METTL15: variants seen among roughly 807,000 people sequenced by gnomAD.
The protein encoded by METTL15 is 12S rRNA N(4)-cytidine methyltransferase METTL15.
METTL15 carries 34 observed loss-of-function variants against 38.3 expected under a neutral mutation model. That is an observed-to-expected ratio of 0.89 (90% CI 0.68 to 1.18). The LOEUF (loss-of-function observed/expected upper bound fraction) is 1.18, where lower values mean the gene tolerates loss of function less well. Ranked by LOEUF, METTL15 falls within the 50% of genes most tolerant of loss-of-function variation. METTL15 has a pLI of 0.00. For synonymous variants in METTL15, 162 were observed against 170.9 expected, an observed-to-expected ratio of 0.95 and a Z score of 0.41; for missense variants, 438 against 498.4, an observed-to-expected ratio of 0.88 and a Z score of 1.15.
rs574891521 is a variant in METTL15 at position 28,205,695 on chromosome 11, A to G, written c.271-5367A>G. ...AGGAATCGCCACACTGACTTCCACA[A>G]TGGTTGAACTAGTTTACAGTCCCAC... On this transcript the variant is annotated intron_variant, in intron 3 of 6. Coordinates refer to ENST00000407364, the MANE Select transcript of METTL15 (RefSeq NM_001113528.2). Among the ~76,000 whole-genome samples the G allele has an allele frequency of 3.6e-4, 54 of 151,428 alleles. No homozygotes were observed. In the East Asian group the frequency reaches 9.0e-3, roughly 25 times the overall value.
chr11:28,458,819 T>C (rs1024963687), intron 6 of METTL15, among the ~76,000 whole-genome samples: 2 of 152,266 alleles, frequency 1.3e-5, no homozygotes. Flanking sequence ...CCACTGTAGT[T>C]GCAGGACATT....
At chr11:28,313,210 A>G (rs1271314153) in intron 6 of METTL15, among the ~76,000 whole-genome samples, 1 of 152,106 alleles carries the variant, frequency 6.6e-6, no homozygotes, top group Non-Finnish European at 1.5e-5. Context: ...GATTATTGTA[A>G]TGATTAGAAA....
intron 3 of METTL15, among the ~76,000 whole-genome samples, chr11:28,154,950 A>G (rs893027553): frequency 6.6e-6 from 1 of 152,168 alleles, no homozygotes; most frequent in Non-Finnish European, 1.5e-5. Context: ...GGCAAGTTTT[A>G]TCCAGTTCTT....
At chr11:28,239,067 A>G (rs551936448) in intron 4 of METTL15, among the ~76,000 whole-genome samples, 2 of 151,424 alleles carry the variant, frequency 1.3e-5, no homozygotes, top group South Asian at 2.1e-4. Context: ...CCTCTTTTCT[A>G]TTTACACTCA....
chr11:28,417,652 T>C (rs556530393), intron 5 of METTL15, among the ~76,000 whole-genome samples: 47 of 152,286 alleles, frequency 3.1e-4, no homozygotes, highest in African/African-American at 1.1e-3. Flanking sequence ...GTAATTTTTC[T>C]TGGAGGGGGT....
chr11:28,231,907 C>G (rs1853700683), intron 4 of METTL15, among the ~76,000 whole-genome samples: 1 of 151,770 alleles, frequency 6.6e-6, no homozygotes. Context: ...TCTTAACAGA[C>G]TTTATACTTT....
At chr11:28,351,395 C>T (rs1339534238) in intron 3 of METTL15, among the ~76,000 whole-genome samples, 11 of 152,142 alleles carry the variant, frequency 7.2e-5, no homozygotes, top group Admixed American at 2.6e-4. Context: ...GGATTATAGG[C>T]GTGAGCCACT....
At chr11:28,337,804 A>G (rs1156782195), downstream of METTL15, among the ~76,000 whole-genome samples, 3 of 152,138 alleles carry the variant, frequency 2.0e-5, no homozygotes, top group African/African-American at 7.2e-5. Flanking sequence ...TGTAGGCTAT[A>G]TACCATTTAG....
intron 6 of METTL15, among the ~76,000 whole-genome samples, chr11:28,502,141 A>G (rs1023263107): frequency 6.6e-6 from 1 of 151,790 alleles, no homozygotes; most frequent in African/African-American, 2.4e-5. Context: ...CCACAAGGGC[A>G]CAGAAACCAT....
At position 28,301,296 on chromosome 11, in the gene METTL15, T is replaced by C. The variant is rs541399834; in HGVS notation, c.778+4365T>C. On this transcript the variant is annotated intron_variant, in intron 6 of 6. Coordinates refer to ENST00000407364, the MANE Select transcript of METTL15 (RefSeq NM_001113528.2). ...TCTCCCTGCCCTACCCCTACCCTTT[T>C]CTCTGGCTAATTTCAGCTCATCCTT... 4.9e-3 allele frequency among the ~76,000 whole-genome samples: 745 copies of C among 152,124 alleles called. 11 individuals carry two copies. The highest frequency in any genetic ancestry group is 0.017 in the African/African-American group (721 of 41,504).
chr11:28,208,776 G>C (rs1414261743), intron 3 of METTL15, among the ~76,000 whole-genome samples: 1 of 151,726 alleles, frequency 6.6e-6, no homozygotes, highest in African/African-American at 2.4e-5. Flanking sequence ...TTTAAACTGT[G>C]GTCTTATGTT....
At chr11:28,321,555 CTA>C (rs1565253364) in intron 6 of METTL15, among the ~76,000 whole-genome samples, 1 of 152,022 alleles carries the variant, frequency 6.6e-6, no homozygotes, top group African/African-American at 2.4e-5. Context: ...AATGGAAATA[CTA>C]TGTTTCCTGG....
At chr11:28,456,317 C>G (rs552613989) in intron 6 of METTL15, among the ~76,000 whole-genome samples, 1 of 152,092 alleles carries the variant, frequency 6.6e-6, no homozygotes, top group Non-Finnish European at 1.5e-5. Context: ...TGCTACTGCA[C>G]GGTTTCTCCT....
intron 4 of METTL15, among the ~76,000 whole-genome samples, chr11:28,260,890 A>G (rs771429079): frequency 1.3e-5 from 2 of 152,172 alleles, no homozygotes; most frequent in South Asian, 4.1e-4. Flanking sequence ...TAGGGTAGGA[A>G]TGGCAAGTAG....
At chr11:28,396,250 C>G (rs189488664) in intron 5 of METTL15, among the ~76,000 whole-genome samples, 10 of 152,192 alleles carry the variant, frequency 6.6e-5, no homozygotes, top group African/African-American at 2.2e-4. Flanking sequence ...CCAGGGCAAT[C>G]AGGCAGGAGA....
intron 6 of METTL15, among the ~76,000 whole-genome samples, chr11:28,479,059 GTGTGTGTGTGT>G (rs1411816728): frequency 2.8e-3 from 1 of 354 alleles, no homozygotes; most frequent in Admixed American, 0.045. Flanking sequence ...ATTTCTCTTT[GTGTGTGTGTGT>G]GTGTGTGTGT....
intron 5 of METTL15, among the ~76,000 whole-genome samples, chr11:28,398,203 A>G (rs866852241): frequency 2.6e-5 from 4 of 152,132 alleles, no homozygotes; most frequent in South Asian, 2.1e-4. Flanking sequence ...CATGTACCCC[A>G]GAACTTAAAG....
chr11:28,290,087 T>C (rs886708578), intron 4 of METTL15, 119 bp from the exon 5 acceptor site: 5 of 858,490 alleles, frequency 5.8e-6, no homozygotes, highest in Admixed American at 3.1e-5. Context: ...AAGCACTCAA[T>C]AAATATATAT....
intron 4 of METTL15, among the ~76,000 whole-genome samples, chr11:28,239,645 A>G (rs551760899): frequency 1.2e-4 from 19 of 152,228 alleles, no homozygotes; most frequent in Middle Eastern, 3.4e-3. Context: ...TTCTTGCCCC[A>G]CCAGCTTCCC....
Sources: gnomAD v4.1 joint callset for allele counts (sites outside exome capture counted in the v4.1 genomes callset) on GRCh38, gnomAD v4.1.1 for gene constraint, MANE v1.5 for transcripts, NCBI Gene and HGNC (gene_info 2026-07-23, HGNC 2026-07-21) for gene names.